The following GPX2 variants were observed in gnomAD, a reference collection of about 807,000 sequenced individuals.
GPX2 encodes the protein gastrointestinal glutathione peroxidase.
In GPX2, 21 loss-of-function variants were observed where a neutral mutation model predicts 14.1. That is an observed-to-expected ratio of 1.48 (90% CI 1.05 to 2.14). The LOEUF (loss-of-function observed/expected upper bound fraction) is 2.14. GPX2 is among the 30% of genes most tolerant of loss of function. The probability of loss-of-function intolerance (pLI) is 0.00; values close to 1 mark genes in which losing one functional copy is unlikely to be tolerated. For missense variants in GPX2, 241 were observed against 249.8 expected, an observed-to-expected ratio of 0.96 and a Z score of 0.24; for synonymous variants, 94 against 95.2, an observed-to-expected ratio of 0.99 and a Z score of 0.07.
rs569656451 is a variant in GPX2, at chr14:64,942,734, C to T, written c.-8G>A. The T allele has an allele frequency of 1.9e-5, 31 of 1,609,266 alleles. No individual in the cohort carries two copies. The highest frequency in any genetic ancestry group is 1.9e-4 in the African/African-American group (14 of 74,924). On this transcript the variant is annotated 5_prime_UTR_variant, in exon 1 of 2. Coordinates refer to ENST00000389614, the MANE Select transcript of GPX2 (RefSeq NM_002083.4). The stretch of plus-strand genomic sequence containing the variant: ...CTTGGCAATGAAAGCCATGGTGAAG[C>T]GCAGAGTGAGCCCCGCAGAGAGGCC...
At position 64,940,334 on chromosome 14, in the gene GPX2, C is replaced by T; in HGVS notation, c.223-496G>A. The T allele has an allele frequency of 2.0e-6, 1 of 502,720 alleles. No individual in the cohort carries two copies. Among genetic ancestry groups the T allele is most frequent in the South Asian group, 1.5e-5 (1 of 64,784 alleles). The allele number at this position is 502,720 out of a possible 1,614,324, so 31.1% of individuals were successfully genotyped here. A position where few individuals can be genotyped will look rare whatever the true frequency, so the allele number is the denominator to read the frequency against. ...ACACACCCCTTTCCTTTCCTCTGCC[C>T]TGGTTTTGCCTCGCCTGCTTTCAAT... On this transcript the variant is annotated intron_variant, in intron 1 of 1. Transcript: ENST00000389614. This position sits in a 1 kb window ranked among gnomAD's most constrained non-coding sequence, Gnocchi z 4.5.
chr14:64,939,957 A>C lies in GPX2; in HGVS notation c.223-119T>G. The C allele has an allele frequency of 6.8e-7, 1 of 1,472,004 alleles. No homozygotes were observed. Among genetic ancestry groups the C allele is most frequent in the South Asian group, 1.4e-5 (1 of 71,112 alleles). 91.2% of individuals were successfully genotyped at this position (1,472,004 alleles called of 1,614,324 possible). The stretch of plus-strand genomic sequence containing the variant: ...CCAGGGTCATTCTTTTTCACTGTGA[A>C]AGAGAGAGAGACAAGACAGACGAGG... On this transcript the variant is annotated intron_variant, in intron 1 of 1. Transcript: ENST00000389614. This position sits in a 1 kb window ranked among gnomAD's most constrained non-coding sequence, Gnocchi z 5.7.
Position 64,939,169 on chromosome 14 carries a change from GC to G in GPX2, c.*318del, listed in dbSNP as rs1885462590. 1 of 260,268 alleles carries G rather than the reference GC, an allele frequency of 3.8e-6. No individual in the cohort carries two copies. Among genetic ancestry groups the G allele is most frequent in the Non-Finnish European group, 7.4e-6 (1 of 135,144 alleles). The allele number at this position is 260,268 out of a possible 1,614,324, so 16.1% of individuals were successfully genotyped here. ...ACACAGGCTGGCCGTTTCCACACCT[GC>G]CCTTTATTGGTCTCTTCTAGCAGAG... On this transcript the variant is annotated 3_prime_UTR_variant, in exon 2 of 2. Coordinates refer to ENST00000389614, the MANE Select transcript of GPX2 (RefSeq NM_002083.4). The surrounding 1 kb of genome is among the most constrained non-coding windows in gnomAD (Gnocchi z 5.7).
Position 64,939,351 on chromosome 14 carries a change from A to G in GPX2, c.*137T>C. On this transcript the variant is annotated 3_prime_UTR_variant, in exon 2 of 2. Coordinates refer to ENST00000389614, the MANE Select transcript of GPX2 (RefSeq NM_002083.4). This position sits in a 1 kb window ranked among gnomAD's most constrained non-coding sequence, Gnocchi z 5.7. Reference sequence around the variant, plus strand: ...AGGAAAAGGAAACAGGCAGAGGGGAAAGGCAAGGCTCTGCAGTGAAGGGGA... The same window carrying G: ...AGGAAAAGGAAACAGGCAGAGGGGAGAGGCAAGGCTCTGCAGTGAAGGGGA... 1 of 722,474 alleles carries G rather than the reference A, an allele frequency of 1.4e-6. No individual in the cohort carries two copies. The highest frequency in any genetic ancestry group is 2.4e-6 in the Non-Finnish European group (1 of 416,560). 44.8% of individuals were successfully genotyped at this position (722,474 alleles called of 1,614,324 possible).
chr14:64,942,382 C>A, intron 1 of GPX2, 123 bp downstream of exon 1: 1 of 740,432 alleles, frequency 1.4e-6, no homozygotes, highest in Non-Finnish European at 2.3e-6. Flanking sequence ...AAAGACCTAG[C>A]TTAACAAAAC....
At position 64,939,998 on chromosome 14, in the gene GPX2, C is replaced by T; in HGVS notation, c.223-160G>A. 1 of 1,473,644 alleles carries T rather than the reference C, an allele frequency of 6.8e-7. No homozygotes were observed. Among genetic ancestry groups the T allele is most frequent in the South Asian group, 1.4e-5 (1 of 71,078 alleles). 91.3% of individuals were successfully genotyped at this position (1,473,644 alleles called of 1,614,324 possible). On this transcript the variant is annotated intron_variant, in intron 1 of 1. Transcript: ENST00000389614. This position sits in a 1 kb window ranked among gnomAD's most constrained non-coding sequence, Gnocchi z 5.7. ...ACAGACGAGGTGTTGCTCACTGCAG[C>T]CTTGAACTTCTGGGCTCAAGCATTC... is the stretch of plus-strand genomic sequence containing the variant.
At chr14:64,941,973 T>C (rs550774193) in intron 1 of GPX2, among the ~76,000 whole-genome samples, 60 of 152,358 alleles carry the variant, frequency 3.9e-4, no homozygotes, top group African/African-American at 1.4e-3. Context: ...AAGTTACTTT[T>C]GTATATCCTG....
intron 1 of GPX2, chr14:64,941,522 C>G (rs956884572): frequency 7.8e-7 from 1 of 1,288,178 alleles, no homozygotes; most frequent in African/African-American, 1.5e-5. Flanking sequence ...TCTGTCTCTC[C>G]TGCTCTAGAA....
In GPX2 at chr14:64,939,693, A is replaced by G; in HGVS notation, c.368T>C (p.Leu123Pro). ...HPVFAYLKDK[L>P]PYPYDDPFSL... The stretch of plus-strand genomic sequence containing the variant: ...AAATGGGTCATCATAAGGGTAGGGG[A>G]GCTTGTCCTTCAGGTAGGCGAAGAC... The change falls in exon 2 of 2, where the codon CTC becomes CCC. Residue 123 changes from leucine to proline, a missense_variant. Transcript: ENST00000389614. This position sits in a 1 kb window ranked among gnomAD's most constrained non-coding sequence, Gnocchi z 5.7. The G allele has an allele frequency of 1.2e-6, 2 of 1,613,986 alleles. No individual in the cohort carries two copies. The highest frequency in any genetic ancestry group is 1.7e-6 in the Non-Finnish European group (2 of 1,179,986).
rs780676403 is a variant in GPX2, at chr14:64,939,600, A to G, written c.461T>C (p.Phe154Ser). 2 of 1,614,022 alleles carry G rather than the reference A, an allele frequency of 1.2e-6. No homozygotes were observed. The highest frequency in any genetic ancestry group is 2.7e-5 in the African/African-American group (2 of 74,912). Reference sequence around the variant, plus strand: ...CTCCGGCCCTATGAGGAACTTCTCAAAGTTCCAGGCCACATCTGAGCGGCG... The same window carrying G: ...CTCCGGCCCTATGAGGAACTTCTCAGAGTTCCAGGCCACATCTGAGCGGCG... The part of the protein sequence containing the change: ...PVRRSDVAWN[F>S]EKFLIGPEGE... The change falls in exon 2 of 2, where the codon TTT becomes TCT. Residue 154 changes from phenylalanine (F) to serine (S), a missense_variant. Phe to Ser is a radical substitution (Grantham distance 155). Coordinates refer to ENST00000389614, the MANE Select transcript of GPX2 (RefSeq NM_002083.4). This position sits in a 1 kb window ranked among gnomAD's most constrained non-coding sequence, Gnocchi z 5.7.
Position 64,940,673 on chromosome 14 carries a change from G to C in GPX2, c.223-835C>G, listed in dbSNP as rs545372821. ...AGGGTTTGGCAATAGGCCAGGGGGA[G>C]GGGGAGTTGAGGAAATAAGTGCTTG... On this transcript the variant is annotated intron_variant, in intron 1 of 1. Coordinates refer to ENST00000389614, the MANE Select transcript of GPX2 (RefSeq NM_002083.4). This position sits in a 1 kb window ranked among gnomAD's most constrained non-coding sequence, Gnocchi z 4.5. Among the ~76,000 whole-genome samples the C allele has an allele frequency of 6.6e-6, 1 of 152,318 alleles. No individual in the cohort carries two copies. Among genetic ancestry groups the C allele is most frequent in the East Asian group, 1.9e-4 (1 of 5,188 alleles).
chr14:64,941,799 C>T (rs189245434), intron 1 of GPX2, among the ~76,000 whole-genome samples: 1 of 152,178 alleles, frequency 6.6e-6, no homozygotes, highest in South Asian at 2.1e-4. Context: ...CAGCTTGACC[C>T]ATTAATCAGA....
rs200567114 is a variant in GPX2, at chr14:64,942,653, G to C, written c.74C>G (p.Thr25Arg). The change falls in exon 1 of 2, where the codon ACG becomes AGG. Residue 25 changes from threonine to arginine, a missense_variant. Physicochemically the swap from Thr to Arg is moderately conservative, Grantham distance 71 (BLOSUM62 -1). Transcript: ENST00000389614. Reference protein sequence around the residue: ...SLDGEKVDFNTFRGRAVLIEN... With the variant: ...SLDGEKVDFNRFRGRAVLIEN... ...AATCAGCACGGCCCTGCCCCGGAAC[G>C]TATTGAAATCTACCTTCTCCCCATC... 6.2e-7 allele frequency: 1 copy of C among 1,614,162 alleles called. No individual in the cohort carries two copies. Among genetic ancestry groups the C allele is most frequent in the South Asian group, 1.1e-5 (1 of 91,080 alleles).
chr14:64,941,275 T>C, intron 1 of GPX2: 1 of 905,022 alleles, frequency 1.1e-6, no homozygotes, highest in Non-Finnish European at 1.4e-6. Flanking sequence ...ACCATGTTGC[T>C]CAGGCTAATC....
In GPX2 at chr14:64,940,245, A is replaced by C. The variant is rs1885557406; in HGVS notation, c.223-407T>G. On this transcript the variant is annotated intron_variant, in intron 1 of 1. Coordinates refer to ENST00000389614, the MANE Select transcript of GPX2 (RefSeq NM_002083.4). The surrounding 1 kb of genome is among the most constrained non-coding windows in gnomAD (Gnocchi z 4.5). Reference sequence around the variant, plus strand: ...GAAAGAGAAAAGAGGCTTAGGTTATACTGCTTAGAACCTCCTCTTCAACTA... The same window carrying C: ...GAAAGAGAAAAGAGGCTTAGGTTATCCTGCTTAGAACCTCCTCTTCAACTA... 8.6e-7 allele frequency: 1 copy of C among 1,160,016 alleles called. No homozygotes were observed. Among genetic ancestry groups the C allele is most frequent in the South Asian group, 1.3e-5 (1 of 78,430 alleles). 71.9% of individuals were successfully genotyped at this position (1,160,016 alleles called of 1,614,324 possible).
In GPX2 at chr14:64,940,083, ATTTTT is replaced by A; in HGVS notation, c.223-250_223-246del. The A allele has an allele frequency of 8.3e-7, 1 of 1,209,584 alleles. No homozygotes were observed. The highest frequency in any genetic ancestry group is 1.1e-6 in the Non-Finnish European group (1 of 908,056). The allele number at this position is 1,209,584 out of a possible 1,614,324, so 74.9% of individuals were successfully genotyped here. A position where few individuals can be genotyped will look rare whatever the true frequency, so the allele number is the denominator to read the frequency against. On this transcript the variant is annotated intron_variant, in intron 1 of 1. Coordinates refer to ENST00000389614, the MANE Select transcript of GPX2 (RefSeq NM_002083.4). This position sits in a 1 kb window ranked among gnomAD's most constrained non-coding sequence, Gnocchi z 4.5. Reference sequence around the variant, plus strand: ...AGACACAGGCCACCATGCCCGGCTAATTTTTTTTTTTTTTTGTAGAGATGGGGTCT... The same window carrying A: ...AGACACAGGCCACCATGCCCGGCTAATTTTTTTTTTGTAGAGATGGGGTCT...
Position 64,940,312 on chromosome 14 carries a change from C to A in GPX2, c.223-474G>T. The stretch of plus-strand genomic sequence containing the variant: ...ACCCATAAATCCATACCTACACACA[C>A]ACCCCTTTCCTTTCCTCTGCCCTGG... On this transcript the variant is annotated intron_variant, in intron 1 of 1. Transcript: ENST00000389614. This position sits in a 1 kb window ranked among gnomAD's most constrained non-coding sequence, Gnocchi z 4.5. 9.0e-6 allele frequency: 5 copies of A among 555,598 alleles called. No homozygotes were observed. Among genetic ancestry groups the A allele is most frequent in the Middle Eastern group, 3.1e-4 (1 of 3,240 alleles). 34.4% of individuals were successfully genotyped at this position (555,598 alleles called of 1,614,324 possible). A position where few individuals can be genotyped will look rare whatever the true frequency, so the allele number is the denominator to read the frequency against.
chr14:64,941,333 G>T (rs143181386), intron 1 of GPX2: 3 of 1,197,518 alleles, frequency 2.5e-6, no homozygotes, highest in Non-Finnish European at 3.2e-6. Context: ...CTCCCAAAGC[G>T]CTGGGATTAT....
Position 64,939,652 on chromosome 14 carries a change from G to A in GPX2, c.409C>T (p.Pro137Ser). ...YDDPFSLMTDPKLIIWSPVRR... is the reference protein window; with the variant it reads ...YDDPFSLMTDSKLIIWSPVRR... ...ACAGGGCTCCAAATGATGAGCTTGG[G>A]ATCGGTCATGAGGGAAAATGGGTCA... The change falls in exon 2 of 2, where the codon CCC becomes TCC. Residue 137 changes from proline to serine, a missense_variant. Pro to Ser is a moderately conservative substitution (Grantham distance 74). Transcript: ENST00000389614. The surrounding 1 kb of genome is among the most constrained non-coding windows in gnomAD (Gnocchi z 5.7). The A allele has an allele frequency of 6.2e-7, 1 of 1,614,200 alleles. No individual in the cohort carries two copies.
Sources: gnomAD v4.1 joint callset for allele counts (sites outside exome capture counted in the v4.1 genomes callset) on GRCh38, gnomAD v4.1.1 for gene constraint, Gnocchi (gnomAD v3.1) non-coding constraint, MANE v1.5 for transcripts, NCBI Gene and HGNC (gene_info 2026-07-23, HGNC 2026-07-21) for gene names.